Variants in PPM1E observed in about 807,000 individuals in gnomAD.
PPM1E encodes the protein protein phosphatase, Mg2+/Mn2+ dependent 1E.
PPM1E carries 20 observed loss-of-function variants against 65.9 expected under a neutral mutation model. The observed-to-expected ratio is 0.30, with a 90% CI of 0.21 to 0.44. PPM1E has a LOEUF of 0.44. Ranked by LOEUF, PPM1E falls within the 20% of genes least tolerant of loss-of-function variation. The pLI is 1.00. For synonymous variants in PPM1E, 352 were observed against 374.9 expected (o/e 0.94, Z 0.70); for missense variants, 713 against 953.1 (o/e 0.75, Z 3.32).
intron 1 of PPM1E, among the ~76,000 whole-genome samples, chr17:58,940,885 AT>A (rs1358818564): frequency 1.3e-5 from 2 of 152,112 alleles, no homozygotes; most frequent in Admixed American, 6.6e-5. Flanking sequence ...TAATTTTTGT[AT>A]TTTTAGTAGA....
intron 1 of PPM1E, among the ~76,000 whole-genome samples, chr17:58,928,025 A>C (rs946824031): frequency 1.3e-5 from 2 of 151,510 alleles, no homozygotes; most frequent in Non-Finnish European, 2.9e-5. Context: ...ACACCACTGC[A>C]CTCCAGCCTG....
chr17:58,947,910 T>C (rs1055986282), intron 1 of PPM1E, among the ~76,000 whole-genome samples: 6 of 152,106 alleles, frequency 3.9e-5, no homozygotes, highest in African/African-American at 1.4e-4. Context: ...TGTCAAGCAA[T>C]TGATAATGGC....
intron 1 of PPM1E, among the ~76,000 whole-genome samples, chr17:58,930,246 T>TACACAC (rs1491423318): frequency 6.9e-5 from 4 of 58,128 alleles, no homozygotes; most frequent in Non-Finnish European, 1.2e-4. Flanking sequence ...AAATTAAATG[T>TACACAC]ATATACACAC....
At chr17:58,769,790 G>A (rs1034496305) in intron 1 of PPM1E, among the ~76,000 whole-genome samples, 6 of 152,122 alleles carry the variant, frequency 3.9e-5, no homozygotes, top group African/African-American at 1.4e-4. Flanking sequence ...ACTTCGGGAG[G>A]CTGAGGCAGG....
At chr17:58,772,978 T>C (rs1260689881) in intron 1 of PPM1E, among the ~76,000 whole-genome samples, 1 of 151,864 alleles carries the variant, frequency 6.6e-6, no homozygotes, top group Non-Finnish European at 1.5e-5. Context: ...CTCTCTCTTT[T>C]TTTTTTTTTC....
rs9890223 is a variant in PPM1E at position 58,772,486 on chromosome 17, A to T, written c.464+16025A>T. Among the ~76,000 whole-genome samples the T allele has an allele frequency of 9.2e-4, 140 of 151,924 alleles. 1 individual carries two copies. Among genetic ancestry groups the T allele is most frequent in the African/African-American group, 3.3e-3 (137 of 41,470 alleles). On this transcript the variant is annotated intron_variant, in intron 1 of 6. Transcript: ENST00000308249. ...AAAAAAAGATATAGCAATGCAGAGG[A>T]TTTTATGGGGACACTGAGACACATT... is the stretch of plus-strand genomic sequence containing the variant.
intron 1 of PPM1E, among the ~76,000 whole-genome samples, chr17:58,911,742 A>C (rs901592401): frequency 5.3e-5 from 8 of 152,176 alleles, no homozygotes; most frequent in Non-Finnish European, 8.8e-5. Context: ...CTGGGTGCTG[A>C]AGATAAATAA....
At chr17:58,892,212 A>C (rs893050745) in intron 1 of PPM1E, among the ~76,000 whole-genome samples, 5 of 152,210 alleles carry the variant, frequency 3.3e-5, no homozygotes, top group African/African-American at 1.2e-4. Flanking sequence ...TACAGATTCT[A>C]AACTGCAGAG....
intron 1 of PPM1E, among the ~76,000 whole-genome samples, chr17:58,798,226 G>GT (rs1182858502): frequency 4.3e-4 from 55 of 128,200 alleles, no homozygotes; most frequent in African/African-American, 1.5e-3. Flanking sequence ...TACGTTTTTT[G>GT]TTTGTTTTTT....
At chr17:58,829,773 C>A (rs1048638823) in intron 1 of PPM1E, among the ~76,000 whole-genome samples, 2 of 152,064 alleles carry the variant, frequency 1.3e-5, no homozygotes, top group Non-Finnish European at 2.9e-5. Context: ...CTTAAAAAAA[C>A]AAATAAAAGA....
chr17:58,978,503 G>T (rs1359192837), intron 6 of PPM1E, among the ~76,000 whole-genome samples: 1 of 152,070 alleles, frequency 6.6e-6, no homozygotes, highest in Non-Finnish European at 1.5e-5. Context: ...CAGAGGTCAG[G>T]AGTTCGACGC....
At chr17:58,804,029 A>G (rs2143063780) in intron 1 of PPM1E, among the ~76,000 whole-genome samples, 1 of 152,340 alleles carries the variant, frequency 6.6e-6, no homozygotes, top group Non-Finnish European at 1.5e-5. Context: ...CTTAGGCTCA[A>G]GCAGTCCTCC....
At chr17:58,835,006 T>G (rs1262298367) in intron 1 of PPM1E, among the ~76,000 whole-genome samples, 2 of 152,160 alleles carry the variant, frequency 1.3e-5, no homozygotes, top group South Asian at 2.1e-4. Flanking sequence ...AGCCTCCGAA[T>G]CCATGAGAAT....
chr17:58,924,654 C>T (rs1229203912), intron 1 of PPM1E, among the ~76,000 whole-genome samples: 2 of 152,140 alleles, frequency 1.3e-5, no homozygotes, highest in African/African-American at 4.8e-5. Context: ...TGGTTTGCTG[C>T]ACCTATCAAC....
chr17:58,788,281 C>T (rs1470441927), intron 1 of PPM1E, among the ~76,000 whole-genome samples: 1 of 152,120 alleles, frequency 6.6e-6, no homozygotes. Flanking sequence ...GTACTCTTGA[C>T]CTCAAGTGAT....
At chr17:58,852,721 G>A (rs1435159515) in intron 1 of PPM1E, among the ~76,000 whole-genome samples, 3 of 150,614 alleles carry the variant, frequency 2.0e-5, no homozygotes, top group South Asian at 2.1e-4. Context: ...CTCCTGGCTC[G>A]GCCTCCCGAG....
Position 58,794,747 on chromosome 17 carries a change from T to C in PPM1E, c.464+38286T>C, listed in dbSNP as rs957248478. On this transcript the variant is annotated intron_variant, in intron 1 of 6. Coordinates refer to ENST00000308249, the MANE Select transcript of PPM1E (RefSeq NM_014906.5). ...GTTGCTGCAAAGGACATGATCTCAT[T>C]CTTTTTTATGGCTGCATAGTATTCC... 9.8e-5 allele frequency among the ~76,000 whole-genome samples: 15 copies of C among 152,310 alleles called. 1 individual carries two copies. The highest frequency in any genetic ancestry group is 8.5e-4 in the Admixed American group (13 of 15,288).
chr17:58,813,882 C>G (rs922195227), intron 1 of PPM1E, among the ~76,000 whole-genome samples: 7 of 152,114 alleles, frequency 4.6e-5, no homozygotes, highest in African/African-American at 1.7e-4. Flanking sequence ...CAGAGCAGCA[C>G]TAGGTGTACA....
intron 1 of PPM1E, among the ~76,000 whole-genome samples, chr17:58,764,210 TTAATAA>T (rs1359323173): frequency 7.9e-5 from 12 of 152,080 alleles, no homozygotes; most frequent in Admixed American, 3.9e-4. Flanking sequence ...TTTCAAATAC[TTAATAA>T]TTATATGGGG....
Sources: gnomAD v4.1 joint callset for allele counts (sites outside exome capture counted in the v4.1 genomes callset) on GRCh38, gnomAD v4.1.1 for gene constraint, MANE v1.5 for transcripts, NCBI Gene and HGNC (gene_info 2026-07-23, HGNC 2026-07-21) for gene names.